The following TRIM42 variants were observed in gnomAD, a reference collection of about 807,000 sequenced individuals.
The protein encoded by TRIM42 is tripartite motif containing 42.
A neutral mutation model predicts 64.9 loss-of-function variants in TRIM42; 59 were observed. The observed-to-expected ratio is 0.91, with a 90% CI of 0.74 to 1.13. The LOEUF (loss-of-function observed/expected upper bound fraction) is 1.13. Among genes scored for constraint, TRIM42 ranks in the 50% most tolerant of loss-of-function variants. The pLI is 0.00. For synonymous variants in TRIM42, 354 were observed against 346.3 expected (o/e 1.02, Z -0.25); for missense variants, 878 against 929.5 (o/e 0.94, Z 0.72).
In TRIM42 at chr3:140,700,915, A is replaced by T. The variant is rs2107770740; in HGVS notation, c.2113A>T (p.Asn705Tyr). ...KVVTPDGHGK[N>Y]RAKWGLLKNI... ...GGTAACACCAGATGGACATGGGAAG[A>T]ACCGAGCTAAGTGGGGCCTGCTGAA... Residue 705 changes from asparagine to tyrosine, a missense_variant, in exon 5 of 5, where the codon AAC (asparagine) becomes TAC (tyrosine). By Grantham distance (143) the Asn-to-Tyr change is moderately radical (BLOSUM62 -2). Coordinates refer to ENST00000286349, the MANE Select transcript of TRIM42 (RefSeq NM_152616.5). 2 of 1,614,156 alleles carry T rather than the reference A, an allele frequency of 1.2e-6. No individual in the cohort carries two copies. Among genetic ancestry groups the T allele is most frequent in the African/African-American group, 2.7e-5 (2 of 75,052 alleles).
intron 1 of TRIM42, among the ~76,000 whole-genome samples, chr3:140,679,070 T>A (rs778954439): frequency 6.6e-6 from 1 of 150,776 alleles, no homozygotes; most frequent in African/African-American, 2.4e-5. Context: ...CCCATGATAT[T>A]GTAGATATAA....
intron 4 of TRIM42, among the ~76,000 whole-genome samples, chr3:140,699,363 T>G (rs902608823): frequency 2.6e-5 from 4 of 152,258 alleles, no homozygotes; most frequent in Admixed American, 6.5e-5. Flanking sequence ...GGAAACTTTT[T>G]GCTCTTCTAT....
In TRIM42 at chr3:140,700,948, C is replaced by G. The variant is rs754629454; in HGVS notation, c.2146C>G (p.Gln716Glu). The change falls in exon 5 of 5, where the codon CAG becomes GAG. Residue 716 changes from glutamine (Q) to glutamate (E), a missense_variant. Physicochemically the swap from Gln to Glu is conservative, Grantham distance 29 (BLOSUM62 2). Coordinates refer to ENST00000286349, the MANE Select transcript of TRIM42 (RefSeq NM_152616.5). Reference sequence around the variant, plus strand: ...TAAGTGGGGCCTGCTGAAGAATATCCAGTCTGCCCTCCAGAAGCACTTCTG... The same window carrying G: ...TAAGTGGGGCCTGCTGAAGAATATCGAGTCTGCCCTCCAGAAGCACTTCTG... ...RAKWGLLKNI[Q>E]SALQKHF 8 of 1,614,066 alleles carry G rather than the reference C, an allele frequency of 5.0e-6. No individual in the cohort carries two copies. Among genetic ancestry groups the G allele is most frequent in the Non-Finnish European group, 6.8e-6 (8 of 1,179,934 alleles).
rs1439403122 is a variant in TRIM42, at chr3:140,682,611, G to C, written c.491G>C (p.Ser164Thr). 1 of 1,614,176 alleles carries C rather than the reference G, an allele frequency of 6.2e-7. No homozygotes were observed. The change falls in exon 2 of 5, where the codon AGC becomes ACC. Residue 164 changes from serine to threonine, a missense_variant. By Grantham distance (58) the Ser-to-Thr change is moderately conservative (BLOSUM62 1). Coordinates refer to ENST00000286349, the MANE Select transcript of TRIM42 (RefSeq NM_152616.5). ...TCATTCATGCTGCCCTGCAACCACAGCCTGTGCGAGAAGTGCCTGCGGCAG... is the reference window on the plus strand; with the variant it reads ...TCATTCATGCTGCCCTGCAACCACACCCTGTGCGAGAAGTGCCTGCGGCAG... The part of the protein sequence containing the change: ...LHSFMLPCNH[S>T]LCEKCLRQLQ...
At chr3:140,685,181 T>A (rs893273204) in intron 2 of TRIM42, among the ~76,000 whole-genome samples, 1 of 152,212 alleles carries the variant, frequency 6.6e-6, no homozygotes, top group Non-Finnish European at 1.5e-5. Flanking sequence ...TACCATAAAT[T>A]GGCATTCTAA....
intron 4 of TRIM42, among the ~76,000 whole-genome samples, chr3:140,696,145 A>G (rs1988840821): frequency 6.6e-6 from 1 of 152,112 alleles, no homozygotes; most frequent in African/African-American, 2.4e-5. Flanking sequence ...ACAAAGCCCT[A>G]TTCTTATTTA....
intron 1 of TRIM42, 61 bp downstream of exon 1, chr3:140,678,631 C>T: frequency 7.0e-7 from 1 of 1,436,804 alleles, no homozygotes; most frequent in Non-Finnish European, 9.5e-7. Flanking sequence ...GACCACTTGC[C>T]AGCTGTGAAG....
rs781364706 is a variant in TRIM42 at position 140,688,416 on chromosome 3, A to T, written c.1734A>T (p.Gly578=). 27 of 1,614,054 alleles carry T rather than the reference A, an allele frequency of 1.7e-5. No homozygotes were observed. The highest frequency in any genetic ancestry group is 1.4e-4 in the South Asian group (13 of 91,092). The change falls in exon 3 of 5, where the codon GGA becomes GGT. Residue 578 remains glycine (G), a synonymous_variant. Transcript: ENST00000286349. ...TDGLYTYWSA[G]ADSQSVQNSS... ...GCCTCTACACCTACTGGAGTGCTGG[A>T]GCAGACAGCCAGTCTGTACAGAACA...
intron 1 of TRIM42, among the ~76,000 whole-genome samples, chr3:140,680,938 G>C (rs947267425): frequency 2.6e-5 from 4 of 152,182 alleles, no homozygotes; most frequent in Admixed American, 2.6e-4. Context: ...AAGCAAAAAG[G>C]AACACAGCCG....
intron 1 of TRIM42, 36 bp from the exon 2 acceptor site, chr3:140,682,426 T>C (rs770328721): frequency 1.9e-6 from 3 of 1,584,022 alleles, no homozygotes; most frequent in Non-Finnish European, 2.6e-6. Context: ...CTCTTGAGCC[T>C]GCCTCCTGAA....
chr3:140,680,867 C>T (rs916039180), intron 1 of TRIM42, among the ~76,000 whole-genome samples: 1 of 152,204 alleles, frequency 6.6e-6, no homozygotes, highest in Non-Finnish European at 1.5e-5. Context: ...AGGACTCAGA[C>T]ATAGGCTCCT....
Position 140,691,120 on chromosome 3 carries a change from C to T in TRIM42, c.2013C>T (p.Pro671=). ...ATCTGGAGCTGCACAACCTGACCCC[C>T]AACACAGAATACGTGTTTAAAGTTA... ...QQNLELHNLT[P]NTEYVFKVRA... Residue 671 remains proline (P), a synonymous_variant, in exon 4 of 5, where the codon CCC becomes CCT. Transcript: ENST00000286349. 1 of 1,614,068 alleles carries T rather than the reference C, an allele frequency of 6.2e-7. No homozygotes were observed. The highest frequency in any genetic ancestry group is 8.5e-7 in the Non-Finnish European group (1 of 1,180,006).
chr3:140,696,467 T>TGCA (rs1321916782), intron 4 of TRIM42, among the ~76,000 whole-genome samples: 12 of 152,242 alleles, frequency 7.9e-5, no homozygotes, highest in African/African-American at 2.9e-4. Context: ...CCAATAATAC[T>TGCA]GCAGTGAACA....
At chr3:140,691,223 T>A (rs1336908460) in intron 4 of TRIM42, 31 bp downstream of exon 4, 10 of 1,595,082 alleles carry the variant, frequency 6.3e-6, no homozygotes, top group Non-Finnish European at 8.6e-6. Context: ...CAGACAGATT[T>A]TTTTTTCTAT....
chr3:140,695,106 G>T lies in TRIM42; in HGVS notation c.2085+3914G>T, dbSNP rs114283859. Among the ~76,000 whole-genome samples the T allele has an allele frequency of 4.3e-3, 650 of 152,092 alleles. 6 individuals are homozygous for T. The highest frequency in any genetic ancestry group is 0.015 in the African/African-American group (618 of 41,472). On this transcript the variant is annotated intron_variant, in intron 4 of 4. Transcript: ENST00000286349. Reference sequence around the variant, plus strand: ...CTAAAAATTAAAAAAAAGTCAGCTGGGTGTGGTGGTGTGCGCTTGTCATCC... The same window carrying T: ...CTAAAAATTAAAAAAAAGTCAGCTGTGTGTGGTGGTGTGCGCTTGTCATCC...
chr3:140,683,466 T>C (rs1449634560), intron 2 of TRIM42, among the ~76,000 whole-genome samples: 2 of 152,194 alleles, frequency 1.3e-5, no homozygotes, highest in Admixed American at 6.5e-5. Context: ...CAAAAAGTCA[T>C]ATGACAAGTG....
chr3:140,696,033 T>G lies in TRIM42; in HGVS notation c.2085+4841T>G, dbSNP rs184467488. ...ATAGGCTTGAATCCTGGAACAAGTA[T>G]AATTTCGGATCATGCTGGACCTGAT... On this transcript the variant is annotated intron_variant, in intron 4 of 4. Coordinates refer to ENST00000286349, the MANE Select transcript of TRIM42 (RefSeq NM_152616.5). Among the ~76,000 whole-genome samples the G allele has an allele frequency of 1.9e-3, 290 of 152,328 alleles. 2 individuals carry two copies. The highest frequency in any genetic ancestry group is 0.014 in the Middle Eastern group (4 of 294).
chr3:140,696,659 C>G (rs1214605138), intron 4 of TRIM42, among the ~76,000 whole-genome samples: 3 of 152,188 alleles, frequency 2.0e-5, no homozygotes, highest in African/African-American at 7.2e-5. Flanking sequence ...TTGGTTTCTC[C>G]TGAGACCTCT....
intron 4 of TRIM42, among the ~76,000 whole-genome samples, chr3:140,693,894 A>G (rs1576421154): frequency 6.6e-6 from 1 of 152,346 alleles, no homozygotes; most frequent in South Asian, 2.1e-4. Flanking sequence ...CAGATGGGGT[A>G]TATTCATTAT....
Sources: allele counts gnomAD v4.1 joint callset (sites outside exome capture counted in the v4.1 genomes callset), GRCh38; gene constraint gnomAD v4.1.1; transcripts MANE v1.5; gene names NCBI Gene and HGNC (gene_info 2026-07-23, HGNC 2026-07-21).